The following LAMA2 variants were observed in gnomAD, a reference collection of about 807,000 sequenced individuals.
LAMA2 encodes the protein laminin subunit alpha-2.
In LAMA2, 269 loss-of-function variants were observed where a neutral mutation model predicts 364.8. The observed-to-expected ratio is 0.74, with a 90% confidence interval of 0.67 to 0.82. LAMA2 has a LOEUF of 0.82. Among genes scored for constraint, LAMA2 ranks in the 40% least tolerant of loss-of-function variants. The pLI is 0.00. For missense variants in LAMA2, 3,807 were observed against 3,873.2 expected (o/e 0.98, Z 0.45); for synonymous variants, 1,379 against 1,370.6 (o/e 1.01, Z -0.14).
Position 128,895,579 on chromosome 6 carries a change from A to T in LAMA2, c.112+12222A>T, listed in dbSNP as rs1480043847. The stretch of plus-strand genomic sequence containing the variant: ...AGGAGAATGGCGTGAATCCGGGAGG[A>T]GGAGCTTGCAGTGAGCCGAGATTGC... On this transcript the variant is annotated intron_variant, in intron 1 of 64. Coordinates refer to ENST00000421865, the MANE Select transcript of LAMA2 (RefSeq NM_000426.4). 5.3e-5 allele frequency among the ~76,000 whole-genome samples: 8 copies of T among 150,870 alleles called. No individual in the cohort carries two copies. In the East Asian group the frequency reaches 1.6e-3, roughly 30 times the overall value.
chr6:129,316,236 CAGA>C (rs1774599138), intron 27 of LAMA2, 65 bp downstream of exon 27: 2 of 1,230,886 alleles, frequency 1.6e-6, no homozygotes, highest in African/African-American at 3.0e-5. Context: ...TATTGACCTA[CAGA>C]TATCAGATAA....
chr6:129,006,292 A>T (rs1322496289), intron 1 of LAMA2, among the ~76,000 whole-genome samples: 1 of 152,186 alleles, frequency 6.6e-6, no homozygotes, highest in Non-Finnish European at 1.5e-5. Flanking sequence ...CAGTGTTTTA[A>T]TGGAAATTTT....
Position 129,365,230 on chromosome 6 carries a change from A to T in LAMA2, c.4718-989A>T, listed in dbSNP as rs553050783. On this transcript the variant is annotated intron_variant, in intron 32 of 64. Coordinates refer to ENST00000421865, the MANE Select transcript of LAMA2 (RefSeq NM_000426.4). ...AAAGAGGTTAATCATCAAAGTAGGG[A>T]TTTGTGAGACTGCATCTAATCATGG... Among the ~76,000 whole-genome samples, 12 of 152,334 alleles carry T rather than the reference A, an allele frequency of 7.9e-5. No individual in the cohort carries two copies. The South Asian group carries it at 2.5e-3, about 32-fold the overall frequency.
chr6:129,210,003 C>CAAAAAAAAAAAAAAAAAAAAAA, intron 12 of LAMA2, among the ~76,000 whole-genome samples: 1 of 67,644 alleles, frequency 1.5e-5, no homozygotes, highest in Non-Finnish European at 3.0e-5. Flanking sequence ...GACTCCATCT[C>CAAAAAAAAAAAAAAAAAAAAAA]AAAAAAAAAA....
chr6:129,441,099 G>A, intron 43 of LAMA2, 101 bp downstream of exon 43: 2 of 1,016,942 alleles, frequency 2.0e-6, no homozygotes, highest in Non-Finnish European at 3.0e-6. Flanking sequence ...CCTCATGGTG[G>A]TGTAGTCTGC....
chr6:129,381,480 T>C (rs1006593497), intron 34 of LAMA2, among the ~76,000 whole-genome samples: 4 of 152,058 alleles, frequency 2.6e-5, no homozygotes, highest in Non-Finnish European at 4.4e-5. Flanking sequence ...GGTATGAGTA[T>C]GTGTGTGTGT....
intron 17 of LAMA2, among the ~76,000 whole-genome samples, chr6:129,273,817 C>T (rs1284359560): frequency 1.3e-5 from 2 of 151,952 alleles, no homozygotes; most frequent in African/African-American, 4.8e-5. Context: ...ACAGTGATAA[C>T]AATACCAGTA....
intron 1 of LAMA2, among the ~76,000 whole-genome samples, chr6:128,992,832 G>A (rs1417248563): frequency 6.6e-6 from 1 of 152,110 alleles, no homozygotes; most frequent in Non-Finnish European, 1.5e-5. Context: ...TGATGATTTT[G>A]TTGTAGGTAC....
chr6:128,922,880 T>TTTG (rs1301731094), intron 1 of LAMA2, among the ~76,000 whole-genome samples: 1 of 152,114 alleles, frequency 6.6e-6, no homozygotes. Context: ...TGAATTGATT[T>TTTG]TTGTATAAGG....
At chr6:129,365,153 C>T (rs1344552510) in intron 32 of LAMA2, among the ~76,000 whole-genome samples, 2 of 152,120 alleles carry the variant, frequency 1.3e-5, no homozygotes, top group East Asian at 3.9e-4. Context: ...TTCTTGGCTA[C>T]TTAAAGAATA....
chr6:129,388,020 G>C (rs1032565439), intron 35 of LAMA2, among the ~76,000 whole-genome samples: 2 of 152,144 alleles, frequency 1.3e-5, no homozygotes, highest in South Asian at 4.1e-4. Context: ...TACTTTGAGA[G>C]GCCAAGGCAG....
intron 32 of LAMA2, among the ~76,000 whole-genome samples, chr6:129,353,621 G>A (rs1327554171): frequency 6.6e-6 from 1 of 152,058 alleles, no homozygotes; most frequent in African/African-American, 2.4e-5. Flanking sequence ...AGCTCCTGGA[G>A]GCATTTTATT....
chr6:129,353,294 G>T lies in LAMA2; in HGVS notation c.4654G>T (p.Ala1552Ser). The change falls in exon 32 of 65, where the codon GCC (alanine) becomes TCC (serine). Residue 1552 changes from alanine to serine, a missense_variant. Physicochemically the swap from Ala to Ser is moderately conservative, Grantham distance 99 (BLOSUM62 1). This residue lies in a region of LAMA2 where 3,333 missense variants were observed against 3,345.7 expected (regional missense o/e 1.00). Transcript: ENST00000421865. ...VTGFCTCRPG[A>S]TGRKCDGCKH... ...AGGATTCTGCACGTGCCGACCTGGA[G>T]CCACGGGAAGGAAGTGTGACGGCTG... 6.2e-7 allele frequency: 1 copy of T among 1,614,124 alleles called. No individual in the cohort carries two copies.
intron 49 of LAMA2, among the ~76,000 whole-genome samples, chr6:129,462,275 C>T (rs184925477): frequency 9.4e-4 from 143 of 152,000 alleles, no homozygotes; most frequent in Non-Finnish European, 7.2e-4. Flanking sequence ...TACCCTATAA[C>T]GGTAGCTGAA....
At chr6:128,910,570 C>T (rs1238595810) in intron 1 of LAMA2, among the ~76,000 whole-genome samples, 9 of 151,984 alleles carry the variant, frequency 5.9e-5, no homozygotes, top group African/African-American at 2.2e-4. Context: ...AACTTCTTTG[C>T]CTTTGGTTTG....
At chr6:128,888,230 A>G (rs927274966) in intron 1 of LAMA2, among the ~76,000 whole-genome samples, 1 of 152,194 alleles carries the variant, frequency 6.6e-6, no homozygotes, top group Non-Finnish European at 1.5e-5. Context: ...GGCTTTCCCC[A>G]TTGGTAAGAC....
At chr6:129,146,042 T>C in intron 5 of LAMA2, among the ~76,000 whole-genome samples, 1 of 151,894 alleles carries the variant, frequency 6.6e-6, no homozygotes, top group Non-Finnish European at 1.5e-5. Flanking sequence ...AAAGACACTA[T>C]ATGTATGTAA....
At chr6:129,004,813 A>G (rs976589348) in intron 1 of LAMA2, among the ~76,000 whole-genome samples, 2 of 152,108 alleles carry the variant, frequency 1.3e-5, no homozygotes, top group East Asian at 1.9e-4. Flanking sequence ...TAATTAATAT[A>G]TCCTTGATTC....
chr6:129,096,581 C>T (rs1038575288), intron 3 of LAMA2, among the ~76,000 whole-genome samples: 6 of 152,158 alleles, frequency 3.9e-5, no homozygotes, highest in African/African-American at 1.2e-4. Context: ...CAGTGATACT[C>T]AATAAAACAG....
Sources: gnomAD v4.1 joint callset for allele counts (sites outside exome capture counted in the v4.1 genomes callset) on GRCh38, gnomAD v4.1.1 for gene constraint, gnomAD v4.1.1 regional missense constraint, MANE v1.5 for transcripts, NCBI Gene and HGNC (gene_info 2026-07-23, HGNC 2026-07-21) for gene names.